GRM7: variants seen among roughly 807,000 people sequenced by gnomAD.
GRM7 encodes the protein glutamate metabotropic receptor 7.
GRM7 carries 35 observed loss-of-function variants against 84.5 expected under a neutral mutation model. The ratio of observed to expected loss-of-function variants is 0.41; its 90% CI spans 0.32 to 0.55. The LOEUF is 0.55. GRM7 is among the 20% of genes least tolerant of loss of function. The pLI, the probability that GRM7 is intolerant of heterozygous loss-of-function variation, is 0.19. For synonymous variants in GRM7, 487 were observed against 455.1 expected (o/e 1.07, Z -0.89); for missense variants, 1,003 against 1,194.6 (o/e 0.84, Z 2.36).
intron 2 of GRM7, among the ~76,000 whole-genome samples, chr3:7,194,970 T>A (rs56245901): frequency 0.3 from 44,936 of 151,928 alleles, 6,813 homozygotes; most frequent in Middle Eastern, 0.39. Context: ...GAAGGATTCA[T>A]CCTTCTTGGT....
At chr3:7,166,205 G>A (rs1694793462) in intron 2 of GRM7, among the ~76,000 whole-genome samples, 1 of 151,570 alleles carries the variant, frequency 6.6e-6, no homozygotes, top group African/African-American at 2.4e-5. Flanking sequence ...CTTTCTTTAG[G>A]AAAATGAGCT....
At chr3:6,891,352 A>T (rs1188808009) in intron 1 of GRM7, among the ~76,000 whole-genome samples, 1 of 152,038 alleles carries the variant, frequency 6.6e-6, no homozygotes, top group Admixed American at 6.6e-5. Context: ...ATTTGGCATG[A>T]TTTTGCAGTG....
intron 1 of GRM7, among the ~76,000 whole-genome samples, chr3:6,942,712 G>C (rs1697933839): frequency 6.6e-6 from 1 of 152,080 alleles, no homozygotes; most frequent in African/African-American, 2.4e-5. Context: ...ACAAGCTTTT[G>C]TGTGGGTGCC....
chr3:7,000,829 C>G (rs1389305982), intron 1 of GRM7, among the ~76,000 whole-genome samples: 2 of 152,174 alleles, frequency 1.3e-5, no homozygotes, highest in African/African-American at 4.8e-5. Context: ...TGTATGTCAT[C>G]TCTGCTCACA....
At chr3:6,911,305 A>G (rs973634185) in intron 1 of GRM7, among the ~76,000 whole-genome samples, 5 of 152,098 alleles carry the variant, frequency 3.3e-5, no homozygotes, top group African/African-American at 4.8e-5. Context: ...CATTCCCTTA[A>G]AAGAATCCTT....
intron 1 of GRM7, among the ~76,000 whole-genome samples, chr3:7,022,163 C>CA (rs980818519): frequency 3.3e-5 from 5 of 151,588 alleles, no homozygotes; most frequent in African/African-American, 1.2e-4. Flanking sequence ...CCAGTCTCTA[C>CA]AAAAAATACA....
chr3:7,406,643 G>A (rs1402545713), intron 4 of GRM7, among the ~76,000 whole-genome samples: 1 of 151,874 alleles, frequency 6.6e-6, no homozygotes, highest in East Asian at 1.9e-4. Flanking sequence ...GTTGTGATGG[G>A]GCATTTTAAA....
intron 7 of GRM7, among the ~76,000 whole-genome samples, chr3:7,487,901 G>A (rs1040817456): frequency 2.0e-5 from 3 of 152,172 alleles, no homozygotes; most frequent in African/African-American, 7.2e-5. Flanking sequence ...ACAGGCTCTA[G>A]TGTACAACCC....
intron 1 of GRM7, among the ~76,000 whole-genome samples, chr3:7,036,564 G>C (rs118005820): frequency 1.3e-5 from 2 of 152,066 alleles, no homozygotes; most frequent in Admixed American, 6.6e-5. Flanking sequence ...ATGGGGTATA[G>C]TCCAACTATA....
At chr3:7,535,127 T>A (rs1701194081) in intron 7 of GRM7, 1 of 152,120 alleles carries the variant, frequency 6.6e-6, no homozygotes. Flanking sequence ...TGGGAAAATA[T>A]TTCCCAAATA....
chr3:7,561,939 G>A (rs990776120), intron 7 of GRM7, among the ~76,000 whole-genome samples: 4 of 152,156 alleles, frequency 2.6e-5, no homozygotes, highest in East Asian at 1.9e-4. Context: ...GACTTACATC[G>A]AAGTGACATG....
At chr3:6,873,264 G>A (rs1189330766) in intron 1 of GRM7, among the ~76,000 whole-genome samples, 1 of 152,126 alleles carries the variant, frequency 6.6e-6, no homozygotes, top group Non-Finnish European at 1.5e-5. Context: ...GTGGAGACAG[G>A]GTTTCACCAT....
chr3:7,597,510 C>A (rs1472817644), intron 8 of GRM7, among the ~76,000 whole-genome samples: 2 of 152,178 alleles, frequency 1.3e-5, no homozygotes, highest in East Asian at 3.9e-4. Context: ...TTGCTGACCC[C>A]TGCAGTCCAG....
intron 2 of GRM7, among the ~76,000 whole-genome samples, chr3:7,155,127 G>A (rs771708569): frequency 8.6e-5 from 13 of 152,006 alleles, no homozygotes; most frequent in African/African-American, 1.2e-4. Flanking sequence ...TATCCAATAC[G>A]TCCTCCACTC....
At chr3:7,454,088 A>ACTCTCTCTCTCTCTCCCT (rs1284686500) in intron 6 of GRM7, among the ~76,000 whole-genome samples, 1 of 111,682 alleles carries the variant, frequency 9.0e-6, no homozygotes, top group South Asian at 3.0e-4. Flanking sequence ...AGCTACACAC[A>ACTCTCTCTCTCTCTCCCT]CACTCTCTCT....
chr3:7,124,550 A>C (rs751517926), intron 1 of GRM7, among the ~76,000 whole-genome samples: 1 of 152,114 alleles, frequency 6.6e-6, no homozygotes, highest in Non-Finnish European at 1.5e-5. Flanking sequence ...CAGATTTGGA[A>C]CCTGGCAAAC....
At chr3:7,336,105 G>C (rs931981623) in intron 4 of GRM7, among the ~76,000 whole-genome samples, 1 of 151,302 alleles carries the variant, frequency 6.6e-6, no homozygotes, top group South Asian at 2.1e-4. Context: ...AAAAAACACA[G>C]ACCAATATCC....
chr3:6,865,129 T>G (rs1694896525), intron 1 of GRM7, among the ~76,000 whole-genome samples: 1 of 152,228 alleles, frequency 6.6e-6, no homozygotes. Context: ...CAATGCATTT[T>G]CAGCCTCAAA....
At chr3:7,536,189 AT>A (rs1701235880) in intron 7 of GRM7, among the ~76,000 whole-genome samples, 1 of 152,134 alleles carries the variant, frequency 6.6e-6, no homozygotes, top group South Asian at 2.1e-4. Flanking sequence ...AGCTATCTTA[AT>A]TTGGGTTTCC....
Sources: allele counts gnomAD v4.1 joint callset (sites outside exome capture counted in the v4.1 genomes callset), GRCh38; gene constraint gnomAD v4.1.1; transcripts MANE v1.5; gene names NCBI Gene and HGNC (gene_info 2026-07-23, HGNC 2026-07-21).